Variants in OR52N4 observed in about 807,000 individuals in gnomAD.
The protein encoded by OR52N4 is olfactory receptor 52N4.
In OR52N4, 15 loss-of-function variants were observed where a neutral mutation model predicts 15.0. The ratio of observed to expected loss-of-function variants is 1.00; its 90% CI spans 0.67 to 1.54. The LOEUF is 1.54. Among genes scored for constraint, OR52N4 ranks in the 40% most tolerant of loss-of-function variants. The pLI, the probability that OR52N4 is intolerant of heterozygous loss-of-function variation, is 0.00. For missense variants in OR52N4, 421 were observed against 394.0 expected (o/e 1.07, Z -0.58); for synonymous variants, 143 against 143.7 (o/e 1.00, Z 0.03).
At chr11:5,730,930 T>C in the OR52N4 span, among the ~76,000 whole-genome samples, 1 of 152,054 alleles carries the variant, frequency 6.6e-6, no homozygotes, top group East Asian at 1.9e-4. Context: ...CATTATTTCT[T>C]GCTTCTGATG....
chr11:5,747,933 T>C, the OR52N4 span, among the ~76,000 whole-genome samples: 1 of 152,092 alleles, frequency 6.6e-6, no homozygotes, highest in African/African-American at 2.4e-5. Context: ...TTGTCATGAA[T>C]AAATGGGGAC....
At chr11:5,744,249 G>C in the OR52N4 span, among the ~76,000 whole-genome samples, 1 of 152,102 alleles carries the variant, frequency 6.6e-6, no homozygotes, top group Non-Finnish European at 1.5e-5. Context: ...TAGGACCAGA[G>C]GCATTCACAA....
chr11:5,739,577 A>AAC, the OR52N4 span, among the ~76,000 whole-genome samples: 3 of 123,066 alleles, frequency 2.4e-5, 1 homozygote, highest in Non-Finnish European at 5.3e-5. Flanking sequence ...AAAAAAAAAA[A>AAC]AAAACCATGA....
At chr11:5,743,345 C>G in the OR52N4 span, among the ~76,000 whole-genome samples, 1 of 151,860 alleles carries the variant, frequency 6.6e-6, no homozygotes, top group Admixed American at 6.6e-5. Flanking sequence ...AAAAATCAAC[C>G]AAAAAAACCT....
Position 5,755,293 on chromosome 11 carries a change from T to A in OR52N4, c.553T>A (p.Ser185Thr). Residue 185 changes from serine (S) to threonine (T), a missense_variant, in exon 2 of 2, where the codon TCT becomes ACT. By Grantham distance (58) the Ser-to-Thr change is moderately conservative. Coordinates refer to ENST00000641350, the MANE Select transcript of OR52N4 (RefSeq NM_001005175.5). ...TCCCCATACCTACTGTGACCACATG[T>A]CTGTAGCCAAATTGTCCTGTGGTAA... ...ILPHTYCDHMSVAKLSCGNVK... is the reference protein window; with the variant it reads ...ILPHTYCDHMTVAKLSCGNVK... 6.2e-7 allele frequency: 1 copy of A among 1,614,034 alleles called. No individual in the cohort carries two copies. Among genetic ancestry groups the A allele is most frequent in the African/African-American group, 1.3e-5 (1 of 75,034 alleles).
upstream of OR52N4, among the ~76,000 whole-genome samples, chr11:5,753,234 C>A (rs1854225289): frequency 6.6e-6 from 1 of 152,100 alleles, no homozygotes; most frequent in African/African-American, 2.4e-5. Flanking sequence ...TGTCTACCAG[C>A]AGTAAATGAG....
chr11:5,755,422 GTCAGCCTCTCC>G lies in OR52N4; in HGVS notation c.688_698del (p.Leu230ArgfsTer8). 6.2e-7 allele frequency: 1 copy of G among 1,614,070 alleles called. No individual in the cohort carries two copies. The highest frequency in any genetic ancestry group is 8.5e-7 in the Non-Finnish European group (1 of 1,179,978). On this transcript the variant is annotated frameshift_variant, in exon 2 of 2. Transcript: ENST00000641350. LOFTEE classifies it high-confidence loss of function. ...CTATACCATGATTCTCCGGGCAGTG[GTCAGCCTCTCC>G]TCAGCAGATGCTCGGCAGAAGGCCT...
chr11:5,737,106 C>T, the OR52N4 span: 1 of 1,614,004 alleles, frequency 6.2e-7, no homozygotes, highest in Non-Finnish European at 8.5e-7. Context: ...ACAAGCCTGG[C>T]TTGTGATGAC....
the OR52N4 span, among the ~76,000 whole-genome samples, chr11:5,747,244 C>T: frequency 7.9e-5 from 12 of 151,838 alleles, no homozygotes; most frequent in Non-Finnish European, 1.5e-4. Flanking sequence ...GGGAAGGAAT[C>T]GCTTGTGACC....
chr11:5,733,408 A>G, the OR52N4 span, among the ~76,000 whole-genome samples: 1 of 152,266 alleles, frequency 6.6e-6, no homozygotes, highest in African/African-American at 2.4e-5. Flanking sequence ...ACATTCAAAG[A>G]TTCCTGGATA....
At chr11:5,740,274 G>C in the OR52N4 span, among the ~76,000 whole-genome samples, 2 of 127,410 alleles carry the variant, frequency 1.6e-5, 1 homozygote, top group African/African-American at 5.6e-5. Flanking sequence ...GAAATGCCCT[G>C]GCTGGTTCAA....
the OR52N4 span, among the ~76,000 whole-genome samples, chr11:5,735,405 A>G: frequency 1.3e-5 from 2 of 152,080 alleles, no homozygotes; most frequent in African/African-American, 4.8e-5. Context: ...TTGTAATAAT[A>G]AAGTATTGTA....
chr11:5,730,608 C>A, the OR52N4 span, among the ~76,000 whole-genome samples: 2 of 151,856 alleles, frequency 1.3e-5, no homozygotes, highest in Admixed American at 6.6e-5. Flanking sequence ...TCTTTCATGT[C>A]TCTAATGTTT....
chr11:5,738,211 T>A, the OR52N4 span: 7 of 152,396 alleles, frequency 4.6e-5, no homozygotes, highest in African/African-American at 1.7e-4. Flanking sequence ...ATTGAGCCAA[T>A]GTGATGCGTG....
the OR52N4 span, among the ~76,000 whole-genome samples, chr11:5,735,489 C>G: frequency 2.6e-5 from 4 of 151,512 alleles, no homozygotes; most frequent in East Asian, 7.7e-4. Context: ...AGATTGCTAG[C>G]AGAAAGAAAG....
At chr11:5,736,258 T>A in the OR52N4 span, 1 of 457,158 alleles carries the variant, frequency 2.2e-6, no homozygotes, top group East Asian at 4.1e-5. Context: ...TATATCAACT[T>A]GAAATGATGT....
chr11:5,737,492 A>G, the OR52N4 span: 1 of 1,604,942 alleles, frequency 6.2e-7, no homozygotes, highest in Non-Finnish European at 8.5e-7. Context: ...AAGATCTTAG[A>G]GACCTTCTCC....
At chr11:5,730,037 T>C in the OR52N4 span, among the ~76,000 whole-genome samples, 3 of 150,286 alleles carry the variant, frequency 2.0e-5, no homozygotes, top group African/African-American at 7.4e-5. Flanking sequence ...ATAACCTTAG[T>C]GATTTTTTTT....
chr11:5,737,184 T>C, the OR52N4 span: 6 of 1,614,036 alleles, frequency 3.7e-6, no homozygotes, highest in South Asian at 6.6e-5. Context: ...CTAAGTCTTA[T>C]TATACTGTCA....
Sources: gnomAD v4.1 joint callset for allele counts (sites outside exome capture counted in the v4.1 genomes callset) on GRCh38, gnomAD v4.1.1 for gene constraint, MANE v1.5 for transcripts, NCBI Gene and HGNC (gene_info 2026-07-23, HGNC 2026-07-21) for gene names.